LSM3: variants seen among roughly 807,000 people sequenced by gnomAD.
The protein encoded by LSM3 is LSM3 homolog, U6 small nuclear RNA and mRNA degradation associated.
A neutral mutation model predicts 15.4 loss-of-function variants in LSM3; 14 were observed. That is an observed-to-expected ratio of 0.91 (90% confidence interval 0.60 to 1.42). LSM3 has a LOEUF of 1.42. Among genes scored for constraint, LSM3 ranks in the 40% most tolerant of loss-of-function variants. The pLI, the probability that LSM3 is intolerant of heterozygous loss-of-function variation, is 0.00. For missense variants in LSM3, 88 were observed against 127.9 expected (o/e 0.69, Z 1.50); for synonymous variants, 46 against 45.1 (o/e 1.02, Z -0.08).
At chr3:14,185,579 T>G (rs1263744201) in intron 3 of LSM3, among the ~76,000 whole-genome samples, 2 of 152,228 alleles carry the variant, frequency 1.3e-5, no homozygotes, top group African/African-American at 2.4e-5. Context: ...GAAGCAAATC[T>G]GACCACACAG....
At chr3:14,194,810 G>A (rs556890643) in intron 3 of LSM3, among the ~76,000 whole-genome samples, 133 of 111,022 alleles carry the variant, frequency 1.2e-3, no homozygotes, top group African/African-American at 4.5e-3. Flanking sequence ...TTTAAACCTA[G>A]AGCACTTAAG....
intron 3 of LSM3, among the ~76,000 whole-genome samples, chr3:14,196,593 C>A (rs1369015948): frequency 6.6e-6 from 1 of 152,154 alleles, no homozygotes; most frequent in East Asian, 1.9e-4. Flanking sequence ...GTGGTGAATC[C>A]CACTGGGAAG....
At chr3:14,192,073 C>T (rs1449349984) in intron 3 of LSM3, among the ~76,000 whole-genome samples, 2 of 152,180 alleles carry the variant, frequency 1.3e-5, no homozygotes, top group Non-Finnish European at 2.9e-5. Context: ...TGTTCAGTTT[C>T]CATGTATTTG....
rs1696969207 is a variant in LSM3, at chr3:14,178,875, A to G, written c.15A>G (p.Val5=). 6.2e-7 allele frequency: 1 copy of G among 1,614,236 alleles called. No homozygotes were observed. The highest frequency in any genetic ancestry group is 8.5e-7 in the Non-Finnish European group (1 of 1,180,040). Residue 5 remains valine (V), a synonymous_variant, in exon 1 of 4, where the codon GTA becomes GTG. Coordinates refer to ENST00000306024, the MANE Select transcript of LSM3 (RefSeq NM_014463.3). Reference sequence around the variant, plus strand: ...GGGTTTGAAACATGGCGGACGACGTAGACCAGGTAAGTGTATTTTAAGGAG... The same window carrying G: ...GGGTTTGAAACATGGCGGACGACGTGGACCAGGTAAGTGTATTTTAAGGAG... The part of the protein sequence containing the change: MADD[V]DQQQTTNTVE...
At chr3:14,183,812 G>T in intron 2 of LSM3, 125 bp from the exon 3 acceptor site, 1 of 589,372 alleles carries the variant, frequency 1.7e-6, no homozygotes, top group Non-Finnish European at 2.9e-6. Flanking sequence ...TTATTTGCAT[G>T]TAAAAGTTTG....
chr3:14,189,553 T>G (rs1697119969), intron 3 of LSM3, among the ~76,000 whole-genome samples: 1 of 152,198 alleles, frequency 6.6e-6, no homozygotes, highest in Non-Finnish European at 1.5e-5. Flanking sequence ...CTAATGACAG[T>G]GATGATGAGC....
At position 14,198,758 on chromosome 3, in the gene LSM3, C is replaced by G. The variant is rs144612372; in HGVS notation, c.*642C>G. 1,900 of 152,066 alleles carry G rather than the reference C, an allele frequency of 0.012. 27 individuals are homozygous for G. Among genetic ancestry groups the G allele is most frequent in the Admixed American group, 0.036 (549 of 15,210 alleles). The allele number at this position is 152,066 out of a possible 1,614,324, so 9.4% of individuals were successfully genotyped here. On this transcript the variant is annotated 3_prime_UTR_variant, in exon 4 of 4. Coordinates refer to ENST00000306024, the MANE Select transcript of LSM3 (RefSeq NM_014463.3). ...CTTGTAATCCCAGCTACTCAGGAGG[C>G]TGAGGCAGTAGACGCTTGAACCCAG...
intron 1 of LSM3, among the ~76,000 whole-genome samples, chr3:14,180,820 CCTTTTTTTTTTTT>C (rs368718725): frequency 0.047 from 2,399 of 51,050 alleles, 153 homozygotes; most frequent in Non-Finnish European, 0.06. Context: ...TGCTTGCTTG[CCTTTTTTTTTTTT>C]TTTTTTTTTT....
At chr3:14,184,584 C>A (rs1473824565) in intron 3 of LSM3, among the ~76,000 whole-genome samples, 1 of 150,960 alleles carries the variant, frequency 6.6e-6, no homozygotes, top group Admixed American at 6.6e-5. Flanking sequence ...GGTGAAACCC[C>A]GTCTCTACTA....
chr3:14,180,823 T>C (rs1356466686), intron 1 of LSM3, among the ~76,000 whole-genome samples: 27 of 53,740 alleles, frequency 5.0e-4, no homozygotes, highest in Non-Finnish European at 7.8e-4. Flanking sequence ...TTGCTTGCCT[T>C]TTTTTTTTTT....
intron 3 of LSM3, among the ~76,000 whole-genome samples, chr3:14,191,830 A>G (rs1171708155): frequency 2.0e-5 from 3 of 151,118 alleles, no homozygotes; most frequent in East Asian, 3.9e-4. Context: ...CTAGCTTTTG[A>G]TTTGTTTGCT....
At chr3:14,179,021 C>T (rs895820411) in intron 1 of LSM3, 140 bp downstream of exon 1, 2 of 913,820 alleles carry the variant, frequency 2.2e-6, no homozygotes, top group African/African-American at 1.7e-5. Context: ...CGTAACCCCC[C>T]CTCCGAATTT....
At chr3:14,185,455 G>A (rs995543591) in intron 3 of LSM3, among the ~76,000 whole-genome samples, 3 of 152,186 alleles carry the variant, frequency 2.0e-5, no homozygotes, top group Admixed American at 1.3e-4. Context: ...AATGAGGAAT[G>A]TCTTTGTTTT....
At chr3:14,188,015 G>A (rs780919059) in intron 3 of LSM3, among the ~76,000 whole-genome samples, 11 of 152,164 alleles carry the variant, frequency 7.2e-5, no homozygotes, top group Admixed American at 1.3e-4. Flanking sequence ...GTGCCCTTTT[G>A]TAACTAAGCC....
In LSM3 at chr3:14,183,898, G is replaced by T. The variant is rs1302489291; in HGVS notation, c.133-39G>T. ...TAAGCCTTTATCATTTTTGTAATTT[G>T]ATTATTAAATTTCTTGGTTCTGTAC... On this transcript the variant is annotated intron_variant, in intron 2 of 3. Coordinates refer to ENST00000306024, the MANE Select transcript of LSM3 (RefSeq NM_014463.3). The T allele has an allele frequency of 2.1e-6, 3 of 1,460,032 alleles. No homozygotes were observed. In the South Asian group the frequency reaches 3.9e-5, roughly 19 times the overall value. 90.4% of individuals were successfully genotyped at this position (1,460,032 alleles called of 1,614,324 possible). A position where few individuals can be genotyped will look rare whatever the true frequency, so the allele number is the denominator to read the frequency against.
chr3:14,179,768 G>C (rs1219522432), intron 1 of LSM3, among the ~76,000 whole-genome samples: 1 of 152,252 alleles, frequency 6.6e-6, no homozygotes, highest in African/African-American at 2.4e-5. Flanking sequence ...TAGATGATCA[G>C]AGGAAGCCTC....
At chr3:14,196,424 A>G (rs2733549) in intron 3 of LSM3, among the ~76,000 whole-genome samples, 23,367 of 152,222 alleles carry the variant, frequency 0.15, 2,310 homozygotes, top group Non-Finnish European at 0.21. Flanking sequence ...GTCAGACCAC[A>G]TGTGGTCACT....
chr3:14,193,927 C>G (rs1697164693), intron 3 of LSM3, among the ~76,000 whole-genome samples: 1 of 152,152 alleles, frequency 6.6e-6, no homozygotes, highest in Non-Finnish European at 1.5e-5. Context: ...TTATCTACCT[C>G]TAGTCTTTGA....
intron 3 of LSM3, among the ~76,000 whole-genome samples, chr3:14,194,721 A>G (rs537395342): frequency 6.6e-6 from 1 of 150,554 alleles, no homozygotes; most frequent in East Asian, 2.0e-4. Flanking sequence ...GGTGAAATTC[A>G]TCACCATTAC....
Sources: gnomAD v4.1 joint callset for allele counts (sites outside exome capture counted in the v4.1 genomes callset) on GRCh38, gnomAD v4.1.1 for gene constraint, MANE v1.5 for transcripts, NCBI Gene and HGNC (gene_info 2026-07-23, HGNC 2026-07-21) for gene names.